CADM1: variants seen among roughly 807,000 people sequenced by gnomAD.
CADM1 encodes the protein cell adhesion molecule 1, also known as TSLC-1.
In CADM1, 15 loss-of-function variants were observed where a neutral mutation model predicts 53.1. The ratio of observed to expected loss-of-function variants is 0.28; its 90% CI spans 0.19 to 0.44. The LOEUF (loss-of-function observed/expected upper bound fraction) is 0.44, where lower values mean the gene tolerates loss of function less well. CADM1 is among the 20% of genes least tolerant of loss of function. CADM1 has a pLI of 1.00. For missense variants in CADM1, 434 were observed against 611.3 expected, an observed-to-expected ratio of 0.71 and a Z score of 3.06; for synonymous variants, 281 against 243.0, an observed-to-expected ratio of 1.16 and a Z score of -1.45.
intron 1 of CADM1, chr11:115,377,902 A>T (rs1013387607): frequency 6.6e-6 from 1 of 152,192 alleles, no homozygotes; most frequent in Non-Finnish European, 1.5e-5. Context: ...AAATTAACCC[A>T]GTCCTTCATG....
intron 1 of CADM1, among the ~76,000 whole-genome samples, chr11:115,435,220 G>A (rs1948156610): frequency 6.6e-6 from 1 of 151,968 alleles, no homozygotes; most frequent in Non-Finnish European, 1.5e-5. Context: ...ATTTAATTAT[G>A]ATATGGTAAA....
intron 1 of CADM1, among the ~76,000 whole-genome samples, chr11:115,318,922 AATT>A (rs1944747684): frequency 6.6e-6 from 1 of 152,198 alleles, no homozygotes; most frequent in Non-Finnish European, 1.5e-5. Flanking sequence ...CAAGAATAAT[AATT>A]AACATTTATT....
chr11:115,259,290 C>CTTTTTTTTTTTTTT (rs71066411), intron 1 of CADM1, among the ~76,000 whole-genome samples: 2 of 55,056 alleles, frequency 3.6e-5, no homozygotes, highest in Non-Finnish European at 6.4e-5. Context: ...CCAGTCTTAA[C>CTTTTTTTTTTTTTT]TTTTTTTTTT....
chr11:115,432,650 T>A (rs529095068), intron 1 of CADM1, among the ~76,000 whole-genome samples: 1 of 152,340 alleles, frequency 6.6e-6, no homozygotes, highest in African/African-American at 2.4e-5. Context: ...CTCAGGAGAA[T>A]CAATTACCCA....
At chr11:115,459,248 T>C (rs1291872982) in intron 1 of CADM1, among the ~76,000 whole-genome samples, 1 of 152,202 alleles carries the variant, frequency 6.6e-6, no homozygotes, top group Non-Finnish European at 1.5e-5. Context: ...GATTAGATCT[T>C]ACTGCAGATT....
At chr11:115,226,362 T>C (rs1396540467) in intron 5 of CADM1, among the ~76,000 whole-genome samples, 4 of 152,164 alleles carry the variant, frequency 2.6e-5, no homozygotes, top group Non-Finnish European at 5.9e-5. Context: ...GAGGGGTAAA[T>C]GGACTCCTTA....
At chr11:115,500,481 C>T (rs186044091) in intron 1 of CADM1, among the ~76,000 whole-genome samples, 65 of 152,246 alleles carry the variant, frequency 4.3e-4, no homozygotes, top group African/African-American at 1.5e-3. Context: ...TAAAAATTCA[C>T]TTATGTATGA....
intron 10 of CADM1, chr11:115,179,201 C>T: frequency 4.4e-6 from 1 of 226,716 alleles, no homozygotes; most frequent in Non-Finnish European, 9.0e-6. Flanking sequence ...CGCCCAATGA[C>T]TTTTATTATC....
At chr11:115,380,459 C>A (rs569046033) in intron 1 of CADM1, among the ~76,000 whole-genome samples, 122 of 152,196 alleles carry the variant, frequency 8.0e-4, no homozygotes, top group African/African-American at 2.8e-3. Flanking sequence ...GAAAATGAAA[C>A]CCTAATGATT....
chr11:115,428,457 C>A lies in CADM1; in HGVS notation c.124+75814G>T, dbSNP rs529963951. On this transcript the variant is annotated intron_variant, in intron 1 of 11. Transcript: ENST00000331581. ...TCATTAAGAAAGGCAAGAGTCCTTG[C>A]ATCTGGTGAATTTTTTTTTAAGAGT... is the stretch of plus-strand genomic sequence containing the variant. 5.3e-5 allele frequency among the ~76,000 whole-genome samples: 8 copies of A among 152,050 alleles called. No homozygotes were observed. In the South Asian group the frequency reaches 1.7e-3, roughly 32 times the overall value.
intron 10 of CADM1, among the ~76,000 whole-genome samples, chr11:115,182,049 G>A (rs940384641): frequency 6.6e-6 from 1 of 152,200 alleles, no homozygotes; most frequent in African/African-American, 2.4e-5. Flanking sequence ...TGACTTCTAA[G>A]TGGGAAAGCT....
intron 1 of CADM1, among the ~76,000 whole-genome samples, chr11:115,288,198 C>G (rs909960879): frequency 6.6e-6 from 1 of 152,118 alleles, no homozygotes; most frequent in Non-Finnish European, 1.5e-5. Flanking sequence ...GTTCCAGAAA[C>G]AGCAAGGAAG....
intron 3 of CADM1, 53 bp from the exon 4 acceptor site, chr11:115,231,543 T>C: frequency 6.4e-7 from 1 of 1,562,836 alleles, no homozygotes; most frequent in Admixed American, 1.7e-5. Flanking sequence ...TTTGCATTGT[T>C]GCTATCAAAA....
chr11:115,353,360 C>A (rs573045612), intron 1 of CADM1, among the ~76,000 whole-genome samples: 1 of 152,158 alleles, frequency 6.6e-6, no homozygotes, highest in African/African-American at 2.4e-5. Flanking sequence ...CCACATGCAG[C>A]GATTGAGAAT....
chr11:115,342,553 T>A (rs941034817), intron 1 of CADM1, among the ~76,000 whole-genome samples: 2 of 152,302 alleles, frequency 1.3e-5, no homozygotes, highest in African/African-American at 4.8e-5. Flanking sequence ...AATGGCCATA[T>A]GACAAACCTT....
rs374439352 is a variant in CADM1 at position 115,358,969 on chromosome 11, G to T, written c.125-118549C>A. Among the ~76,000 whole-genome samples, 18 of 152,096 alleles carry T rather than the reference G, an allele frequency of 1.2e-4. No homozygotes were observed. In the East Asian group the frequency reaches 2.7e-3, roughly 23 times the overall value. On this transcript the variant is annotated intron_variant, in intron 1 of 11. Coordinates refer to ENST00000331581, the MANE Select transcript of CADM1 (RefSeq NM_001301043.2). ...GTCAGAACATAAAGATAAATGTTTTGTGCTTCCCATATCAAGCAAACAAAA... is the reference window on the plus strand; with the variant it reads ...GTCAGAACATAAAGATAAATGTTTTTTGCTTCCCATATCAAGCAAACAAAA...
intron 1 of CADM1, among the ~76,000 whole-genome samples, chr11:115,330,888 A>G (rs1945112435): frequency 6.6e-6 from 1 of 152,170 alleles, no homozygotes; most frequent in Non-Finnish European, 1.5e-5. Context: ...CCCAAGAAGG[A>G]GCATGTTAGC....
At chr11:115,432,007 T>C (rs2427673) in intron 1 of CADM1, among the ~76,000 whole-genome samples, 134,694 of 151,596 alleles carry the variant, frequency 0.89, 60,247 homozygotes, top group Non-Finnish European at 0.95. Context: ...GGCAGTGGCG[T>C]GATCTCGGCT....
chr11:115,267,526 G>C (rs1372457626), intron 1 of CADM1, among the ~76,000 whole-genome samples: 1 of 152,140 alleles, frequency 6.6e-6, no homozygotes, highest in Non-Finnish European at 1.5e-5. Context: ...ACCATTGTGG[G>C]AGATAAATCA....
Sources: allele counts gnomAD v4.1 joint callset (sites outside exome capture counted in the v4.1 genomes callset), GRCh38; gene constraint gnomAD v4.1.1; transcripts MANE v1.5; gene names NCBI Gene and HGNC (gene_info 2026-07-23, HGNC 2026-07-21).